The following RXFP1 variants were observed in gnomAD, a reference collection of about 807,000 sequenced individuals.
RXFP1 encodes relaxin family peptide receptor 1.
Under a neutral mutation model 89.8 loss-of-function variants are expected in RXFP1, and 73 were observed. The ratio of observed to expected loss-of-function variants is 0.81; its 90% CI spans 0.67 to 0.99. The LOEUF is 0.99. Ranked by LOEUF, RXFP1 falls within the 50% of genes least tolerant of loss-of-function variation. The probability of loss-of-function intolerance (pLI) is 0.00; values close to 1 mark genes in which losing one functional copy is unlikely to be tolerated. For missense variants in RXFP1, 793 were observed against 895.5 expected (o/e 0.89, Z 1.46); for synonymous variants, 277 against 305.5 (o/e 0.91, Z 0.97).
intron 1 of RXFP1, among the ~76,000 whole-genome samples, chr4:158,567,985 G>A (rs1425468061): frequency 2.0e-5 from 3 of 152,172 alleles, no homozygotes; most frequent in African/African-American, 4.8e-5. Context: ...TTTATGAGAT[G>A]TAACACTCAC....
intron 9 of RXFP1, among the ~76,000 whole-genome samples, chr4:158,619,851 C>A (rs1765275685): frequency 6.6e-6 from 1 of 152,050 alleles, no homozygotes; most frequent in African/African-American, 2.4e-5. Context: ...AGCCCAGGAT[C>A]TTGCACTGAT....
chr4:158,638,811 CAAA>C (rs57989269), intron 13 of RXFP1, among the ~76,000 whole-genome samples: 3 of 128,048 alleles, frequency 2.3e-5, no homozygotes, highest in East Asian at 2.2e-4. Context: ...GACCCTGTCT[CAAA>C]AAAAAAAAAA....
At chr4:158,535,753 C>T (rs892800764) in intron 1 of RXFP1, among the ~76,000 whole-genome samples, 13 of 152,238 alleles carry the variant, frequency 8.5e-5, no homozygotes, top group African/African-American at 2.7e-4. Context: ...TTGTTGAATA[C>T]CCTGACTGTG....
intron 2 of RXFP1, among the ~76,000 whole-genome samples, chr4:158,589,758 A>G (rs1449160191): frequency 6.6e-6 from 1 of 152,184 alleles, no homozygotes; most frequent in Non-Finnish European, 1.5e-5. Context: ...ATGTTCACTT[A>G]AAAGATATGA....
At chr4:158,612,248 T>C (rs1428453255) in intron 7 of RXFP1, 43 bp from the exon 8 acceptor site, 2 of 1,602,314 alleles carry the variant, frequency 1.2e-6, no homozygotes, top group Non-Finnish European at 1.7e-6. Context: ...TTTTAGATTC[T>C]AGAGATATAT....
chr4:158,567,884 C>T (rs539799103), intron 1 of RXFP1, among the ~76,000 whole-genome samples: 133 of 152,290 alleles, frequency 8.7e-4, no homozygotes, highest in African/African-American at 2.9e-3. Flanking sequence ...AGTGGCAACC[C>T]GCTCGGGTCT....
intron 12 of RXFP1, among the ~76,000 whole-genome samples, chr4:158,634,788 A>G (rs1240793009): frequency 3.3e-5 from 5 of 151,982 alleles, no homozygotes; most frequent in African/African-American, 9.7e-5. Context: ...TGAAAAGACT[A>G]CTCTTTCCCC....
chr4:158,570,284 G>A lies in RXFP1; in HGVS notation c.50-2414G>A, dbSNP rs186095463. 5.9e-5 allele frequency among the ~76,000 whole-genome samples: 9 copies of A among 152,258 alleles called. No individual in the cohort carries two copies. The East Asian group carries it at 1.5e-3, about 26-fold the overall frequency. On this transcript the variant is annotated intron_variant, in intron 1 of 17. Transcript: ENST00000307765. ...TGATGGAGAAGGAGTTCCAGGAATC[G>A]GGGAAGGTATAAAAAACCAGAATGG...
chr4:158,612,417 A>G, intron 8 of RXFP1, 55 bp downstream of exon 8: 2 of 1,256,024 alleles, frequency 1.6e-6, no homozygotes, highest in Non-Finnish European at 2.3e-6. Flanking sequence ...ATGAATAAAA[A>G]TTAATGCTTA....
At chr4:158,628,395 C>A (rs527529195) in intron 10 of RXFP1, among the ~76,000 whole-genome samples, 1 of 152,288 alleles carries the variant, frequency 6.6e-6, no homozygotes, top group Admixed American at 6.5e-5. Context: ...TTCACCATTT[C>A]TCGTGCAAAG....
In RXFP1 at chr4:158,606,999, C is replaced by T; in HGVS notation, c.465-973C>T. On this transcript the variant is annotated intron_variant, in intron 5 of 17. Coordinates refer to ENST00000307765, the MANE Select transcript of RXFP1 (RefSeq NM_021634.4). ...ACTGAATGTTCGCTCATATTGATTT[C>T]TTTCTTATTGCTCCTAAAAGTTATA... 4 of 1,335,392 alleles carry T rather than the reference C, an allele frequency of 3.0e-6. No individual in the cohort carries two copies. In the South Asian group the frequency reaches 5.0e-5, roughly 17 times the overall value. 82.7% of individuals were successfully genotyped at this position (1,335,392 alleles called of 1,614,324 possible). A position where few individuals can be genotyped will look rare whatever the true frequency, so the allele number is the denominator to read the frequency against.
chr4:158,612,096 T>C (rs1280993489), intron 6 of RXFP1, 34 bp from the exon 7 acceptor site: 1 of 1,512,538 alleles, frequency 6.6e-7, no homozygotes, highest in Non-Finnish European at 9.0e-7. Flanking sequence ...ATCAAAAATA[T>C]ACAAATTTAT....
chr4:158,534,537 G>A (rs996992052), intron 1 of RXFP1, among the ~76,000 whole-genome samples: 4 of 152,218 alleles, frequency 2.6e-5, no homozygotes, highest in Middle Eastern at 3.4e-3. Context: ...ATGAGCCACC[G>A]CGCCCGGCCT....
chr4:158,543,033 A>T (rs2149839286), intron 1 of RXFP1, among the ~76,000 whole-genome samples: 1 of 152,316 alleles, frequency 6.6e-6, no homozygotes, highest in South Asian at 2.1e-4. Flanking sequence ...CTGGGTAACA[A>T]AATAATCTGA....
At chr4:158,649,638 TAAAC>T (rs1326095793) in intron 17 of RXFP1, among the ~76,000 whole-genome samples, 1 of 151,968 alleles carries the variant, frequency 6.6e-6, no homozygotes. Context: ...AAATAAAAAA[TAAAC>T]AATGTGCATT....
chr4:158,544,717 A>C (rs560143601), intron 1 of RXFP1, among the ~76,000 whole-genome samples: 8 of 151,850 alleles, frequency 5.3e-5, no homozygotes, highest in Admixed American at 2.0e-4. Flanking sequence ...TTGTCCTTGC[A>C]ATAGTTTGCT....
At chr4:158,521,730 A>C, upstream of RXFP1, 1 of 494,782 alleles carries the variant, frequency 2.0e-6, no homozygotes. Context: ...GTGTGTAAAG[A>C]AGGAGATTAG....
rs145986943 is a variant in RXFP1 at position 158,528,961 on chromosome 4, G to A, written c.49+6936G>A. ...TGCCTATGCAGGTGCCAGAGAGGGCGGACAGTGGAGGCCCTGGTCGTAGGG... is the reference window on the plus strand; with the variant it reads ...TGCCTATGCAGGTGCCAGAGAGGGCAGACAGTGGAGGCCCTGGTCGTAGGG... On this transcript the variant is annotated intron_variant, in intron 1 of 17. Coordinates refer to ENST00000307765, the MANE Select transcript of RXFP1 (RefSeq NM_021634.4). 3.7e-3 allele frequency among the ~76,000 whole-genome samples: 568 copies of A among 152,326 alleles called. 2 individuals are homozygous for A. The highest frequency in any genetic ancestry group is 6.9e-3 in the Non-Finnish European group (470 of 68,024).
chr4:158,635,442 A>C (rs1768945954), intron 12 of RXFP1, among the ~76,000 whole-genome samples: 1 of 152,224 alleles, frequency 6.6e-6, no homozygotes, highest in Non-Finnish European at 1.5e-5. Context: ...TATTCTACAT[A>C]TAAGATTACA....
Sources: allele counts gnomAD v4.1 joint callset (sites outside exome capture counted in the v4.1 genomes callset), GRCh38; gene constraint gnomAD v4.1.1; transcripts MANE v1.5; gene names NCBI Gene and HGNC (gene_info 2026-07-23, HGNC 2026-07-21).